The following SH3PXD2A variants were observed in gnomAD, a reference collection of about 807,000 sequenced individuals.
SH3PXD2A encodes the protein SH3 and PX domains 2A, also known as SH3 and PX domain-containing protein 2A.
A neutral mutation model predicts 115.2 loss-of-function variants in SH3PXD2A; 32 were observed. The observed-to-expected ratio is 0.28, with a 90% CI of 0.21 to 0.37. SH3PXD2A has a LOEUF of 0.37. SH3PXD2A is among the 10% of genes least tolerant of loss of function. The probability of loss-of-function intolerance (pLI) is 1.00; values close to 1 mark genes in which losing one functional copy is unlikely to be tolerated. For synonymous variants in SH3PXD2A, 610 were observed against 629.1 expected (o/e 0.97, Z 0.45); for missense variants, 1,328 against 1,498.7 (o/e 0.89, Z 1.88).
chr10:103,666,194 G>A lies in SH3PXD2A; in HGVS notation c.472+2414C>T, dbSNP rs928708457. 4.6e-5 allele frequency among the ~76,000 whole-genome samples: 7 copies of A among 152,058 alleles called. No individual in the cohort carries two copies. The highest frequency in any genetic ancestry group is 2.1e-4 in the South Asian group (1 of 4,818). On this transcript the variant is annotated intron_variant, in intron 7 of 14. Transcript: ENST00000369774. The surrounding 1 kb of genome is among the most constrained non-coding windows in gnomAD (Gnocchi z 4.5). ...GAGCTCCCCAAGTTCCTTGATCCCC[G>A]TCCCCCACACCACCATTCAATACAT...
chr10:103,646,780 G>A (rs566649055), intron 8 of SH3PXD2A, among the ~76,000 whole-genome samples: 1 of 152,366 alleles, frequency 6.6e-6, no homozygotes, highest in South Asian at 2.1e-4. Flanking sequence ...ACAAATGTCT[G>A]ATCTCTAGCT....
intron 13 of SH3PXD2A, among the ~76,000 whole-genome samples, chr10:103,607,429 C>T (rs1182979280): frequency 1.3e-5 from 2 of 151,820 alleles, no homozygotes; most frequent in Non-Finnish European, 2.9e-5. Flanking sequence ...CCAGGCCAGC[C>T]GCCCTGTCCG....
chr10:103,706,563 G>A (rs1258624364), intron 5 of SH3PXD2A, among the ~76,000 whole-genome samples: 2 of 152,186 alleles, frequency 1.3e-5, no homozygotes, highest in Non-Finnish European at 2.9e-5. Flanking sequence ...CCCCTCAACA[G>A]TAGGCTCCCT....
chr10:103,681,085 C>T (rs553260018), intron 6 of SH3PXD2A, among the ~76,000 whole-genome samples: 6 of 152,288 alleles, frequency 3.9e-5, no homozygotes, highest in Non-Finnish European at 5.9e-5. Flanking sequence ...CTTTGCTGGA[C>T]CACAATTTGG....
Position 103,602,674 on chromosome 10 carries a change from G to A in SH3PXD2A, c.2544C>T (p.Cys848=). ...WEGPATSYMT[C]SAYQKVQDSE... The stretch of plus-strand genomic sequence containing the variant: ...AGTCCTGGACCTTCTGGTAGGCGCT[G>A]CATGTCATGTACGAGGTGGCTGGCC... The change falls in exon 15 of 15, where the codon TGC becomes TGT. Residue 848 remains cysteine (C), a synonymous_variant. Transcript: ENST00000369774. The A allele has an allele frequency of 6.2e-7, 1 of 1,614,184 alleles. No homozygotes were observed. The highest frequency in any genetic ancestry group is 8.5e-7 in the Non-Finnish European group (1 of 1,180,040).
At chr10:103,651,948 G>A (rs1373197835) in intron 8 of SH3PXD2A, among the ~76,000 whole-genome samples, 1 of 152,242 alleles carries the variant, frequency 6.6e-6, no homozygotes, top group East Asian at 1.9e-4. Context: ...GTCACAAGAG[G>A]AGAGAGGGAT....
intron 5 of SH3PXD2A, among the ~76,000 whole-genome samples, chr10:103,710,193 G>A (rs2038031161): frequency 6.6e-6 from 1 of 151,938 alleles, no homozygotes; most frequent in Non-Finnish European, 1.5e-5. Flanking sequence ...GGGAGTTTGA[G>A]ACCAGCCTGG....
chr10:103,837,872 A>G (rs2039560796), intron 1 of SH3PXD2A, among the ~76,000 whole-genome samples: 1 of 152,010 alleles, frequency 6.6e-6, no homozygotes, highest in African/African-American at 2.4e-5. Flanking sequence ...TGCTCTCGAG[A>G]GGAGAGTGCA....
chr10:103,621,846 G>A (rs1245823208), intron 10 of SH3PXD2A, among the ~76,000 whole-genome samples: 12 of 152,218 alleles, frequency 7.9e-5, no homozygotes, highest in Non-Finnish European at 1.8e-4. Context: ...CCTGGATCAG[G>A]CCCCTCCTGA....
chr10:103,804,960 A>G (rs1177170118), intron 1 of SH3PXD2A, among the ~76,000 whole-genome samples: 1 of 152,044 alleles, frequency 6.6e-6, no homozygotes, highest in African/African-American at 2.4e-5. Context: ...CTGAGCCCAC[A>G]CCAGGTGCTG....
rs560302057 is a variant in SH3PXD2A at position 103,709,540 on chromosome 10, C to T, written c.398+14730G>A. Among the ~76,000 whole-genome samples the T allele has an allele frequency of 1.6e-3, 237 of 152,292 alleles. 1 individual carries two copies. The highest frequency in any genetic ancestry group is 5.4e-3 in the African/African-American group (224 of 41,560). Reference sequence around the variant, plus strand: ...TGAGAGATGAGTCGTGTTTTGTGGGCGCTAATGAGCCAGCCTCTGGCACAG... The same window carrying T: ...TGAGAGATGAGTCGTGTTTTGTGGGTGCTAATGAGCCAGCCTCTGGCACAG... On this transcript the variant is annotated intron_variant, in intron 5 of 14. Transcript: ENST00000369774.
intron 1 of SH3PXD2A, among the ~76,000 whole-genome samples, chr10:103,845,088 C>T (rs922505150): frequency 3.9e-5 from 6 of 151,912 alleles, no homozygotes; most frequent in African/African-American, 1.2e-4. Context: ...CTTTGGGAGG[C>T]TGAGCCAGGC....
At chr10:103,830,504 T>C (rs1036410631) in intron 1 of SH3PXD2A, among the ~76,000 whole-genome samples, 4 of 152,214 alleles carry the variant, frequency 2.6e-5, no homozygotes, top group African/African-American at 9.7e-5. Flanking sequence ...GAGAAATCTT[T>C]GTGGAGGTTT....
chr10:103,836,654 GCA>G (rs1281254733), intron 1 of SH3PXD2A, among the ~76,000 whole-genome samples: 3 of 142,914 alleles, frequency 2.1e-5, no homozygotes, highest in African/African-American at 7.9e-5. Context: ...ACACACGAGT[GCA>G]CACACACTCC....
At chr10:103,734,560 C>T (rs1247103081) in intron 4 of SH3PXD2A, among the ~76,000 whole-genome samples, 1 of 152,224 alleles carries the variant, frequency 6.6e-6, no homozygotes, top group South Asian at 2.1e-4. Flanking sequence ...ACCAGCCTGG[C>T]CAACATGGCA....
chr10:103,672,858 C>G (rs756901649), intron 6 of SH3PXD2A, among the ~76,000 whole-genome samples: 51 of 152,240 alleles, frequency 3.3e-4, no homozygotes, highest in Non-Finnish European at 1.9e-4. Context: ...ATGTCCCTCC[C>G]TCACACAGCC....
rs778251885 is a variant in SH3PXD2A, at chr10:103,602,356, G to A, written c.2862C>T (p.Pro954=). ...KATPPIPSKP[P]GGFGKTSGTP... Reference sequence around the variant, plus strand: ...TGCCTGAGGTCTTGCCGAAGCCCCCGGGAGGTTTGGAGGGGATGGGGGGCG... The same window carrying A: ...TGCCTGAGGTCTTGCCGAAGCCCCCAGGAGGTTTGGAGGGGATGGGGGGCG... The change falls in exon 15 of 15, where the codon CCC becomes CCT. Residue 954 remains proline, a synonymous_variant. Transcript: ENST00000369774. 14 of 1,613,538 alleles carry A rather than the reference G, an allele frequency of 8.7e-6. No individual in the cohort carries two copies. The highest frequency in any genetic ancestry group is 4.0e-5 in the African/African-American group (3 of 74,920).
intron 8 of SH3PXD2A, among the ~76,000 whole-genome samples, chr10:103,644,932 G>A (rs2037013641): frequency 1.3e-5 from 2 of 152,228 alleles, no homozygotes; most frequent in South Asian, 4.1e-4. Flanking sequence ...GGGCCTGGGA[G>A]AAGTACCCCG....
chr10:103,717,871 A>G (rs1229406549), intron 5 of SH3PXD2A, among the ~76,000 whole-genome samples: 1 of 152,024 alleles, frequency 6.6e-6, no homozygotes, highest in Non-Finnish European at 1.5e-5. Context: ...GATTCTCAGG[A>G]GATCAGGCAG....
Sources: allele counts gnomAD v4.1 joint callset (sites outside exome capture counted in the v4.1 genomes callset), GRCh38; gene constraint gnomAD v4.1.1; non-coding constraint Gnocchi (gnomAD v3.1); transcripts MANE v1.5; gene names NCBI Gene and HGNC (gene_info 2026-07-23, HGNC 2026-07-21).